Variants in ITPK1 observed in about 807,000 individuals in gnomAD.
ITPK1 encodes the protein inositol-tetrakisphosphate 1-kinase.
In ITPK1, 21 loss-of-function variants were observed where a neutral mutation model predicts 45.3. The observed-to-expected ratio is 0.46, with a 90% CI of 0.33 to 0.67. The LOEUF (loss-of-function observed/expected upper bound fraction) is 0.67. Among genes scored for constraint, ITPK1 ranks in the 30% least tolerant of loss-of-function variants. The probability of loss-of-function intolerance (pLI) is 0.02; values close to 1 mark genes in which losing one functional copy is unlikely to be tolerated. For missense variants in ITPK1, 474 were observed against 573.5 expected (o/e 0.83, Z 1.77); for synonymous variants, 258 against 253.6 (o/e 1.02, Z -0.16).
chr14:93,014,160 T>G lies in ITPK1; in HGVS notation c.246+2516A>C, dbSNP rs557289268. Among the ~76,000 whole-genome samples the G allele has an allele frequency of 8.4e-4, 128 of 152,158 alleles. 1 individual carries two copies. The highest frequency in any genetic ancestry group is 2.9e-3 in the African/African-American group (120 of 41,526). Reference sequence around the variant, plus strand: ...AAATATCAGTGCTGGGAGGTTATGGTGAGGTCACGGCAACCATCCCCCAAG... The same window carrying G: ...AAATATCAGTGCTGGGAGGTTATGGGGAGGTCACGGCAACCATCCCCCAAG... On this transcript the variant is annotated intron_variant, in intron 4 of 10. Transcript: ENST00000267615. This position sits in a 1 kb window ranked among gnomAD's most constrained non-coding sequence, Gnocchi z 4.4.
chr14:93,041,927 T>C (rs1312600280), intron 3 of ITPK1, among the ~76,000 whole-genome samples: 1 of 152,138 alleles, frequency 6.6e-6, no homozygotes, highest in Non-Finnish European at 1.5e-5. Flanking sequence ...CTGTTAACCA[T>C]ATGTTCCTGG....
At chr14:92,968,980 T>C (rs1328740716) in intron 5 of ITPK1, among the ~76,000 whole-genome samples, 2 of 152,134 alleles carry the variant, frequency 1.3e-5, no homozygotes, top group Non-Finnish European at 2.9e-5. Context: ...ACAGACTGTT[T>C]TGCATCCCGA....
At chr14:93,018,763 G>A (rs555248466) in intron 3 of ITPK1, among the ~76,000 whole-genome samples, 11 of 152,268 alleles carry the variant, frequency 7.2e-5, no homozygotes, top group African/African-American at 2.6e-4. Flanking sequence ...CCCAGGGGCC[G>A]GGGAAGACGC....
chr14:92,941,064 C>T lies in ITPK1; in HGVS notation c.*497G>A. 8.3e-7 allele frequency: 1 copy of T among 1,203,480 alleles called. No homozygotes were observed. Among genetic ancestry groups the T allele is most frequent in the Non-Finnish European group, 1.1e-6 (1 of 949,346 alleles). The allele number at this position is 1,203,480 out of a possible 1,614,324, so 74.6% of individuals were successfully genotyped here. A position where few individuals can be genotyped will look rare whatever the true frequency, so the allele number is the denominator to read the frequency against. ...GGGCTAACAAAGCCTTGGTGGAGAC[C>T]AGTAGGAGGAAAAACAAGGAAGGGG... On this transcript the variant is annotated 3_prime_UTR_variant, in exon 11 of 11. Transcript: ENST00000267615.
In ITPK1 at chr14:93,072,615, CTTT is replaced by C. The variant is rs111822420; in HGVS notation, c.120+3977_120+3979del. On this transcript the variant is annotated intron_variant, in intron 3 of 10. Coordinates refer to ENST00000267615, the MANE Select transcript of ITPK1 (RefSeq NM_014216.6). ...TAGTCATCTCTTATCAAATATTATT[CTTT>C]TTTTTTTTTTTTTTGAGACAGTGTC... Among the ~76,000 whole-genome samples the C allele has an allele frequency of 7.0e-3, 975 of 139,250 alleles. 21 individuals carry two copies. Among genetic ancestry groups the C allele is most frequent in the African/African-American group, 0.024 (916 of 38,074 alleles). The allele number at this position is 139,250 out of a possible 152,430, so 91.4% of individuals were successfully genotyped here.
intron 5 of ITPK1, among the ~76,000 whole-genome samples, chr14:92,969,387 T>TG (rs1422928762): frequency 5.8e-5 from 3 of 52,068 alleles, no homozygotes; most frequent in East Asian, 1.0e-3. Flanking sequence ...TTCCAAAGAC[T>TG]GGGGGGGTGG....
intron 3 of ITPK1, among the ~76,000 whole-genome samples, chr14:93,057,322 C>T (rs1195562622): frequency 6.6e-6 from 1 of 152,218 alleles, no homozygotes; most frequent in East Asian, 1.9e-4. Context: ...TGTGTTCTCT[C>T]GAAATCTGTC....
At chr14:93,019,546 G>A (rs925841383) in intron 3 of ITPK1, among the ~76,000 whole-genome samples, 1 of 152,258 alleles carries the variant, frequency 6.6e-6, no homozygotes, top group Non-Finnish European at 1.5e-5. Context: ...GGCCTGGGCT[G>A]CTCTCGGGTG....
At chr14:92,979,404 A>T (rs767066946) in intron 5 of ITPK1, among the ~76,000 whole-genome samples, 2 of 152,150 alleles carry the variant, frequency 1.3e-5, no homozygotes, top group Admixed American at 1.3e-4. Flanking sequence ...TTGGGAAGGC[A>T]TGATTGTGTT....
Position 92,958,897 on chromosome 14 carries a change from A to G in ITPK1, c.505-531T>C, listed in dbSNP as rs1445712300. ...ACCAGTTACCTAGTGTCTCCCTCAC[A>G]ATGCACATCTGAGGTGAGCATACAA... On this transcript the variant is annotated intron_variant, in intron 7 of 10. Transcript: ENST00000267615. The surrounding 1 kb of genome is among the most constrained non-coding windows in gnomAD (Gnocchi z 4.4). 6.6e-6 allele frequency among the ~76,000 whole-genome samples: 1 copy of G among 152,150 alleles called. No homozygotes were observed. Among genetic ancestry groups the G allele is most frequent in the Admixed American group, 6.5e-5 (1 of 15,280 alleles).
At chr14:93,092,911 C>A (rs570570207) in intron 2 of ITPK1, among the ~76,000 whole-genome samples, 2 of 152,300 alleles carry the variant, frequency 1.3e-5, no homozygotes, top group South Asian at 4.1e-4. Flanking sequence ...AACCCACCAG[C>A]CACAGACTCA....
chr14:92,962,663 C>T, intron 6 of ITPK1, 88 bp downstream of exon 6: 4 of 1,020,332 alleles, frequency 3.9e-6, no homozygotes, highest in Non-Finnish European at 6.2e-6. Flanking sequence ...GAGCTTAAAT[C>T]CAGAGGGCAC....
intron 4 of ITPK1, among the ~76,000 whole-genome samples, chr14:93,009,957 C>T (rs1049445900): frequency 5.3e-5 from 8 of 152,278 alleles, no homozygotes; most frequent in Non-Finnish European, 1.0e-4. Flanking sequence ...TTCCCCGGGC[C>T]GCAGTTGTCT....
chr14:92,938,665 G>A lies in ITPK1; in HGVS notation c.*2896C>T. On this transcript the variant is annotated 3_prime_UTR_variant, in exon 11 of 11. Transcript: ENST00000267615. ...GGTCCAATCCCGCCGGCCATGCTGG[G>A]TGACTGCAGGCCCAGCCCACCCACC... 1.4e-6 allele frequency: 1 copy of A among 701,138 alleles called. No individual in the cohort carries two copies. The highest frequency in any genetic ancestry group is 2.6e-6 in the Non-Finnish European group (1 of 392,020). 43.4% of individuals were successfully genotyped at this position (701,138 alleles called of 1,614,324 possible). A position where few individuals can be genotyped will look rare whatever the true frequency, so the allele number is the denominator to read the frequency against.
chr14:93,023,352 T>C (rs1888568358), intron 3 of ITPK1, among the ~76,000 whole-genome samples: 1 of 152,246 alleles, frequency 6.6e-6, no homozygotes, highest in Admixed American at 6.5e-5. Context: ...CTCTCCCCTC[T>C]GGTGCAGGAC....
rs571181666 is a variant in ITPK1, at chr14:92,940,453, C to T, written c.*1108G>A. On this transcript the variant is annotated 3_prime_UTR_variant, in exon 11 of 11. Coordinates refer to ENST00000267615, the MANE Select transcript of ITPK1 (RefSeq NM_014216.6). ...TGAGGTGTGCAGAAGCGATGGGGGG[C>T]GGGTGGCTCCCTGGCACCTGCTGGC... The T allele has an allele frequency of 4.6e-5, 51 of 1,116,484 alleles. No individual in the cohort carries two copies. The highest frequency in any genetic ancestry group is 2.3e-4 in the Admixed American group (5 of 21,524). 69.2% of individuals were successfully genotyped at this position (1,116,484 alleles called of 1,614,324 possible).
At chr14:93,085,582 A>G (rs1369801229) in intron 2 of ITPK1, among the ~76,000 whole-genome samples, 1 of 152,152 alleles carries the variant, frequency 6.6e-6, no homozygotes, top group Non-Finnish European at 1.5e-5. Context: ...AGGGGCTGAA[A>G]GCAGCACAGG....
At chr14:93,004,085 A>C (rs1393381299) in intron 4 of ITPK1, among the ~76,000 whole-genome samples, 2 of 152,222 alleles carry the variant, frequency 1.3e-5, no homozygotes, top group Non-Finnish European at 2.9e-5. Flanking sequence ...CGCAGGAGCC[A>C]GGGCCTGCTG....
chr14:93,065,779 T>C (rs1429508400), intron 3 of ITPK1, among the ~76,000 whole-genome samples: 1 of 152,110 alleles, frequency 6.6e-6, no homozygotes, highest in Non-Finnish European at 1.5e-5. Flanking sequence ...AAACCAGAAA[T>C]AACCTAGAAC....
Sources: gnomAD v4.1 joint callset for allele counts (sites outside exome capture counted in the v4.1 genomes callset) on GRCh38, gnomAD v4.1.1 for gene constraint, Gnocchi (gnomAD v3.1) non-coding constraint, MANE v1.5 for transcripts, NCBI Gene and HGNC (gene_info 2026-07-23, HGNC 2026-07-21) for gene names.